Variants in AGO3 observed in about 807,000 individuals in gnomAD.
AGO3 encodes the protein argonaute RISC catalytic component 3, also known as protein argonaute-3.
In AGO3, 16 loss-of-function variants were observed where a neutral mutation model predicts 105.5. The observed-to-expected ratio is 0.15, with a 90% CI of 0.10 to 0.23. The LOEUF (loss-of-function observed/expected upper bound fraction) is 0.23, where lower values mean the gene tolerates loss of function less well. Ranked by LOEUF, AGO3 falls within the 10% of genes least tolerant of loss-of-function variation. AGO3 has a pLI of 1.00. For missense variants in AGO3, 534 were observed against 1,088.0 expected, an observed-to-expected ratio of 0.49 and a Z score of 7.16; for synonymous variants, 340 against 367.3, an observed-to-expected ratio of 0.93 and a Z score of 0.85.
In AGO3 at chr1:35,995,199, TAAA is replaced by T. The variant is rs1295296314; in HGVS notation, c.659-9133_659-9131del. 1.1e-4 allele frequency among the ~76,000 whole-genome samples: 12 copies of T among 110,636 alleles called. 1 individual carries two copies. The highest frequency in any genetic ancestry group is 4.9e-4 in the African/African-American group (12 of 24,526). The allele number at this position is 110,636 out of a possible 152,430, so 72.6% of individuals were successfully genotyped here. On this transcript the variant is annotated intron_variant, in intron 5 of 18. Transcript: ENST00000373191. ...CTGGGCAACAGAGCAAGACACTGTC[TAAA>T]AAAAAAAATATATATATATATATAT...
intron 5 of AGO3, among the ~76,000 whole-genome samples, chr1:35,994,129 C>A (rs1280414732): frequency 1.4e-5 from 2 of 141,864 alleles, no homozygotes; most frequent in Admixed American, 7.6e-5. Flanking sequence ...TGGCTCACTG[C>A]AGCCTCAACC....
At chr1:36,024,178 G>A (rs1569842268) in intron 11 of AGO3, among the ~76,000 whole-genome samples, 1 of 114,606 alleles carries the variant, frequency 8.7e-6, no homozygotes, top group African/African-American at 3.5e-5. Flanking sequence ...TCACTCTGTT[G>A]CCCAGGCTGG....
rs1436042117 is a variant in AGO3, at chr1:36,027,369, C to T, written c.1591+71C>T. 7.6e-7 allele frequency: 1 copy of T among 1,309,360 alleles called. No individual in the cohort carries two copies. The highest frequency in any genetic ancestry group is 1.5e-5 in the African/African-American group (1 of 67,564). The allele number at this position is 1,309,360 out of a possible 1,614,324, so 81.1% of individuals were successfully genotyped here. A position where few individuals can be genotyped will look rare whatever the true frequency, so the allele number is the denominator to read the frequency against. The stretch of plus-strand genomic sequence containing the variant: ...CTTTTAGGATTATACTGAAACATAT[C>T]CTAAAACTTTCAAATATTAAAATAT... On this transcript the variant is annotated intron_variant, in intron 12 of 18. Transcript: ENST00000373191. This position sits in a 1 kb window ranked among gnomAD's most constrained non-coding sequence, Gnocchi z 4.0.
intron 17 of AGO3, among the ~76,000 whole-genome samples, chr1:36,052,906 G>A (rs1373883944): frequency 2.0e-5 from 3 of 152,052 alleles, no homozygotes; most frequent in African/African-American, 4.8e-5. Context: ...CAGCTACTCC[G>A]GAGGCTGAGG....
intron 17 of AGO3, among the ~76,000 whole-genome samples, chr1:36,052,848 T>TA (rs1420050005): frequency 6.6e-6 from 1 of 151,906 alleles, no homozygotes; most frequent in Admixed American, 6.6e-5. Context: ...CTCATCTCTA[T>TA]AAAAAATAAA....
At chr1:35,969,939 A>C (rs953917114) in intron 3 of AGO3, among the ~76,000 whole-genome samples, 1 of 152,214 alleles carries the variant, frequency 6.6e-6, no homozygotes, top group Non-Finnish European at 1.5e-5. Flanking sequence ...ACGCCTGTAT[A>C]AGGCAGCTTC....
chr1:35,942,659 A>G (rs1475040453), intron 1 of AGO3, among the ~76,000 whole-genome samples: 1 of 152,178 alleles, frequency 6.6e-6, no homozygotes, highest in African/African-American at 2.4e-5. Flanking sequence ...TGATTAACAA[A>G]GCTGTATTTT....
At chr1:36,051,513 A>G (rs1642713813) in intron 17 of AGO3, among the ~76,000 whole-genome samples, 1 of 152,118 alleles carries the variant, frequency 6.6e-6, no homozygotes, top group Admixed American at 6.6e-5. Context: ...TGAGCCCACA[A>G]GTTCAAGACA....
rs1218726255 is a variant in AGO3, at chr1:36,009,543, C to T, written c.1098C>T (p.Ile366=). 9.9e-6 allele frequency: 16 copies of T among 1,613,548 alleles called. No homozygotes were observed. The highest frequency in any genetic ancestry group is 1.2e-5 in the Non-Finnish European group (14 of 1,179,862). The change falls in exon 9 of 19, where the codon ATC becomes ATT. Residue 366 remains isoleucine, a synonymous_variant. Coordinates refer to ENST00000373191, the MANE Select transcript of AGO3 (RefSeq NM_024852.4). ...CAGACAATCAGACTTCCACTATGAT[C>T]AAGGCAACAGCAAGATCTGCACCAG... ...KLTDNQTSTM[I]KATARSAPDR...
chr1:35,931,797 G>A (rs76317275), intron 1 of AGO3, among the ~76,000 whole-genome samples: 4,095 of 152,346 alleles, frequency 0.027, 82 homozygotes, highest in Middle Eastern at 0.044. Context: ...TTCCGTAGAG[G>A]CTGGGCAGCC....
chr1:36,026,133 G>C (rs1641492407), intron 11 of AGO3, among the ~76,000 whole-genome samples: 1 of 151,950 alleles, frequency 6.6e-6, no homozygotes, highest in African/African-American at 2.4e-5. Context: ...TTGGAGACAA[G>C]AGTCTCACTC....
intron 11 of AGO3, among the ~76,000 whole-genome samples, chr1:36,022,598 T>G (rs274732): frequency 0.93 from 141,454 of 152,052 alleles, 65,867 homozygotes; most frequent in East Asian, 1. Flanking sequence ...CCATTGATCA[T>G]CCAATGATTT....
intron 3 of AGO3, 88 bp downstream of exon 3, chr1:35,967,163 A>G: frequency 3.6e-6 from 5 of 1,392,644 alleles, no homozygotes; most frequent in Non-Finnish European, 4.8e-6. Context: ...TACAGTCCAT[A>G]TATATGTGAA....
At chr1:35,988,373 T>C (rs1647312207) in intron 5 of AGO3, among the ~76,000 whole-genome samples, 1 of 152,186 alleles carries the variant, frequency 6.6e-6, no homozygotes, top group African/African-American at 2.4e-5. Flanking sequence ...TGCAGTACAT[T>C]AGGTCTCCAG....
Position 35,931,283 on chromosome 1 carries a change from T to C in AGO3, c.-144T>C, listed in dbSNP as rs865847716. 5.0e-6 allele frequency: 3 copies of C among 604,602 alleles called. No homozygotes were observed. The African/African-American group carries it at 5.8e-5, about 12-fold the overall frequency. 37.5% of individuals were successfully genotyped at this position (604,602 alleles called of 1,614,324 possible). Reference sequence around the variant, plus strand: ...CCGGCCCAGAGCTTTCGGAGTGCGGTTGCTCAGGGGAAGCCGTCGCCGCCC... The same window carrying C: ...CCGGCCCAGAGCTTTCGGAGTGCGGCTGCTCAGGGGAAGCCGTCGCCGCCC... On this transcript the variant is annotated 5_prime_UTR_variant, in exon 1 of 19. Transcript: ENST00000373191.
chr1:36,021,912 G>A (rs1230206794), intron 11 of AGO3, among the ~76,000 whole-genome samples: 3 of 151,942 alleles, frequency 2.0e-5, no homozygotes, highest in African/African-American at 4.8e-5. Context: ...TACTCAAAAG[G>A]TGAACAAAAA....
Position 36,061,604 on chromosome 1 carries a change from C to T in AGO3, c.*5859C>T, listed in dbSNP as rs1309400064. ...CAAAATTAGAATCCTGTCAAATCAC[C>T]TATCCAGCCATCGGGGTCCCTTCCT... On this transcript the variant is annotated 3_prime_UTR_variant, in exon 19 of 19. Transcript: ENST00000373191. 1.3e-5 allele frequency: 2 copies of T among 152,164 alleles called. No homozygotes were observed. Among genetic ancestry groups the T allele is most frequent in the East Asian group, 3.8e-4 (2 of 5,196 alleles). 9.4% of individuals were successfully genotyped at this position (152,164 alleles called of 1,614,324 possible).
intron 2 of AGO3, among the ~76,000 whole-genome samples, chr1:35,964,960 G>C (rs1299312505): frequency 2.0e-5 from 3 of 151,282 alleles, no homozygotes; most frequent in Non-Finnish European, 4.4e-5. Context: ...TTGCCCACTT[G>C]TTAATGGGTT....
chr1:35,969,524 T>C (rs1646830451), intron 3 of AGO3, among the ~76,000 whole-genome samples: 1 of 152,172 alleles, frequency 6.6e-6, no homozygotes, highest in Non-Finnish European at 1.5e-5. Flanking sequence ...AGGGAGTATA[T>C]TTTCTTTTAC....
Sources: gnomAD v4.1 joint callset for allele counts (sites outside exome capture counted in the v4.1 genomes callset) on GRCh38, gnomAD v4.1.1 for gene constraint, Gnocchi (gnomAD v3.1) non-coding constraint, MANE v1.5 for transcripts, NCBI Gene and HGNC (gene_info 2026-07-23, HGNC 2026-07-21) for gene names.